The following NHSL1 variants were observed in gnomAD, a reference collection of about 807,000 sequenced individuals.
NHSL1 encodes NHS like 1.
Under a neutral mutation model 95.0 loss-of-function variants are expected in NHSL1, and 48 were observed. The ratio of observed to expected loss-of-function variants is 0.51; its 90% CI spans 0.40 to 0.64. The LOEUF (loss-of-function observed/expected upper bound fraction) is 0.64. NHSL1 is among the 30% of genes least tolerant of loss of function. NHSL1 has a pLI of 0.00. For synonymous variants in NHSL1, 783 were observed against 833.9 expected, an observed-to-expected ratio of 0.94 and a Z score of 1.05; for missense variants, 1,971 against 2,077.7, an observed-to-expected ratio of 0.95 and a Z score of 1.00.
At chr6:138,626,421 A>G (rs2114643602) in intron 1 of NHSL1, among the ~76,000 whole-genome samples, 1 of 152,320 alleles carries the variant, frequency 6.6e-6, no homozygotes, top group Non-Finnish European at 1.5e-5. Flanking sequence ...AAATCATCAG[A>G]CACACTTGAC....
intron 1 of NHSL1, among the ~76,000 whole-genome samples, chr6:138,626,478 T>C (rs557190801): frequency 3.3e-5 from 5 of 152,338 alleles, no homozygotes; most frequent in African/African-American, 1.2e-4. Flanking sequence ...AGAAGGCATT[T>C]GCATCCATTA....
chr6:138,437,296 GTATATATA>G lies in NHSL1; in HGVS notation c.665-3624_665-3617del, dbSNP rs144143973. Reference sequence around the variant, plus strand: ...TCTCAAAAAAAAAAAATACACAAATGTATATATATATATATATATATATACACACACAC... The same window carrying G: ...TCTCAAAAAAAAAAAATACACAAATGTATATATATATATATACACACACAC... On this transcript the variant is annotated intron_variant, in intron 5 of 7. Coordinates refer to ENST00000343505, the MANE Select transcript of NHSL1 (RefSeq NM_001144060.2). Among the ~76,000 whole-genome samples the G allele has an allele frequency of 2.8e-4, 27 of 96,118 alleles. 3 individuals carry two copies. Among genetic ancestry groups the G allele is most frequent in the African/African-American group, 1.2e-3 (27 of 22,386 alleles). 63.1% of individuals were successfully genotyped at this position (96,118 alleles called of 152,430 possible).
intron 1 of NHSL1, among the ~76,000 whole-genome samples, chr6:138,524,840 G>A (rs1444969479): frequency 6.6e-6 from 1 of 152,094 alleles, no homozygotes; most frequent in Non-Finnish European, 1.5e-5. Flanking sequence ...AAAAAATATT[G>A]AAGGATCTCA....
chr6:138,602,562 G>C (rs1409811357), intron 1 of NHSL1, among the ~76,000 whole-genome samples: 1 of 152,072 alleles, frequency 6.6e-6, no homozygotes, highest in Non-Finnish European at 1.5e-5. Flanking sequence ...AGCTGCTCTC[G>C]AACTCCTGAC....
At chr6:138,560,459 T>C (rs1214174487) in intron 1 of NHSL1, among the ~76,000 whole-genome samples, 2 of 152,340 alleles carry the variant, frequency 1.3e-5, no homozygotes, top group Admixed American at 6.5e-5. Context: ...GACAAAGAGT[T>C]GGACTTGGGA....
chr6:138,601,673 G>A, intron 1 of NHSL1, among the ~76,000 whole-genome samples: 1 of 152,098 alleles, frequency 6.6e-6, no homozygotes, highest in East Asian at 1.9e-4. Context: ...TTGGCTGGGT[G>A]TAGTGGCACG....
chr6:138,440,273 C>A (rs1168653419), intron 5 of NHSL1, among the ~76,000 whole-genome samples: 1 of 152,124 alleles, frequency 6.6e-6, no homozygotes, highest in Non-Finnish European at 1.5e-5. Context: ...AATTAGTTAG[C>A]TGTCACTTCA....
chr6:138,473,447 C>T lies in NHSL1; in HGVS notation c.212-14G>A, dbSNP rs746324846. 38 of 1,414,034 alleles carry T rather than the reference C, an allele frequency of 2.7e-5. No individual in the cohort carries two copies. The highest frequency in any genetic ancestry group is 2.4e-4 in the South Asian group (14 of 59,574). 87.6% of individuals were successfully genotyped at this position (1,414,034 alleles called of 1,614,324 possible). ...ACTTATCGCATTCTGCAGAGGGGCA[C>T]GCAGGGAGGGGAAGGAGGCCATTAA... On this transcript the variant is annotated splice_polypyrimidine_tract_variant and intron_variant, in intron 2 of 7. Transcript: ENST00000343505.
intron 1 of NHSL1, among the ~76,000 whole-genome samples, chr6:138,567,681 T>G (rs1358740740): frequency 1.3e-5 from 2 of 152,104 alleles, no homozygotes; most frequent in East Asian, 3.9e-4. Context: ...CACTCAAAAA[T>G]TGATTATCTA....
upstream of NHSL1, among the ~76,000 whole-genome samples, chr6:138,692,887 C>A (rs532635702): frequency 6.6e-6 from 1 of 151,004 alleles, no homozygotes; most frequent in Non-Finnish European, 1.5e-5. The surrounding 1 kb of genome is among the most constrained non-coding windows in gnomAD (Gnocchi z 4.0). Flanking sequence ...AGCCTGGCGG[C>A]CCCTGCCCGC....
intron 4 of NHSL1, among the ~76,000 whole-genome samples, chr6:138,446,033 A>ATTTTTTT (rs201605598): frequency 7.5e-6 from 1 of 133,322 alleles, no homozygotes; most frequent in Non-Finnish European, 1.6e-5. Flanking sequence ...GAAAATTTTG[A>ATTTTTTT]TTTTTTTTTT....
At chr6:138,490,382 G>A (rs185188138) in intron 2 of NHSL1, among the ~76,000 whole-genome samples, 3 of 151,974 alleles carry the variant, frequency 2.0e-5, no homozygotes, top group Non-Finnish European at 4.4e-5. Context: ...AAAGACAAGG[G>A]GTATCTGCGA....
intron 1 of NHSL1, among the ~76,000 whole-genome samples, chr6:138,557,501 G>C (rs1783237114): frequency 6.6e-6 from 1 of 152,206 alleles, no homozygotes; most frequent in Non-Finnish European, 1.5e-5. Flanking sequence ...AAAGAGAAAG[G>C]CTTCCAGCAA....
intron 3 of NHSL1, among the ~76,000 whole-genome samples, chr6:138,448,500 T>G (rs183833672): frequency 6.6e-6 from 1 of 152,238 alleles, no homozygotes; most frequent in East Asian, 1.9e-4. Flanking sequence ...CCCAGTTCAA[T>G]ACACCCGCTA....
Position 138,430,866 on chromosome 6 carries a change from A to G in NHSL1, c.3479T>C (p.Val1160Ala). ...GCTTGGAGCTCCAGGGCTGCGGCTC[A>G]CAGGGCCACCACGCTCAGCCGCACT... The part of the protein sequence containing the change: ...HGSAAERGGP[V>A]SRSPGAPSAG... Residue 1160 changes from valine (V) to alanine (A), a missense_variant, in exon 6 of 8, where the codon GTG (valine) becomes GCG (alanine). Val to Ala is a moderately conservative substitution (Grantham distance 64, BLOSUM62 0). Coordinates refer to ENST00000343505, the MANE Select transcript of NHSL1 (RefSeq NM_001144060.2). This position sits in a 1 kb window ranked among gnomAD's most constrained non-coding sequence, Gnocchi z 4.7. 1 of 1,551,100 alleles carries G rather than the reference A, an allele frequency of 6.4e-7. No homozygotes were observed. The highest frequency in any genetic ancestry group is 8.7e-7 in the Non-Finnish European group (1 of 1,146,838).
upstream of NHSL1, among the ~76,000 whole-genome samples, chr6:138,550,030 A>G (rs2128331874): frequency 6.6e-6 from 1 of 152,308 alleles, no homozygotes; most frequent in South Asian, 2.1e-4. Flanking sequence ...ACCTGAGGTA[A>G]GGAGTTTAAG....
chr6:138,527,297 C>T (rs1365033079), intron 1 of NHSL1, among the ~76,000 whole-genome samples: 1 of 151,708 alleles, frequency 6.6e-6, no homozygotes, highest in Non-Finnish European at 1.5e-5. Context: ...AAAAATCATA[C>T]AGACATTTAG....
At chr6:138,615,257 G>C (rs752591847) in intron 1 of NHSL1, among the ~76,000 whole-genome samples, 11 of 152,188 alleles carry the variant, frequency 7.2e-5, no homozygotes, top group African/African-American at 2.7e-4. Context: ...GTTGTTGCTT[G>C]TTCAAGGCAC....
chr6:138,674,772 A>G (rs1785426566), intron 1 of NHSL1, among the ~76,000 whole-genome samples: 1 of 152,192 alleles, frequency 6.6e-6, no homozygotes, highest in South Asian at 2.1e-4. Context: ...CAGTGCTACA[A>G]TGAACATATG....
Sources: allele counts gnomAD v4.1 joint callset (sites outside exome capture counted in the v4.1 genomes callset), GRCh38; gene constraint gnomAD v4.1.1; non-coding constraint Gnocchi (gnomAD v3.1); transcripts MANE v1.5; gene names NCBI Gene and HGNC (gene_info 2026-07-23, HGNC 2026-07-21).